Variants in STARD13 observed in about 807,000 individuals in gnomAD.
The protein encoded by STARD13 is stAR-related lipid transfer protein 13.
A neutral mutation model predicts 106.4 loss-of-function variants in STARD13; 62 were observed. The observed-to-expected ratio is 0.58, with a 90% CI of 0.48 to 0.72. STARD13 has a LOEUF of 0.72. STARD13 is among the 30% of genes least tolerant of loss of function. STARD13 has a pLI of 0.00. For missense variants in STARD13, 1,387 were observed against 1,424.0 expected (o/e 0.97, Z 0.42); for synonymous variants, 565 against 553.0 (o/e 1.02, Z -0.31).
chr13:33,170,949 T>C (rs544973603), intron 1 of STARD13, among the ~76,000 whole-genome samples: 1 of 152,286 alleles, frequency 6.6e-6, no homozygotes, highest in South Asian at 2.1e-4. Context: ...TCATGGCCCC[T>C]ACTAATACCA....
At chr13:33,153,708 C>T (rs1358334338) in intron 3 of STARD13, among the ~76,000 whole-genome samples, 2 of 152,210 alleles carry the variant, frequency 1.3e-5, no homozygotes, top group African/African-American at 2.4e-5. Context: ...GTCATGAAGT[C>T]TCTCGTGTTG....
In STARD13 at chr13:33,105,149, C is replaced by T. The variant is rs539619380; in HGVS notation, c.*444G>A. 6.3e-6 allele frequency: 1 copy of T among 157,640 alleles called. No homozygotes were observed. Among genetic ancestry groups the T allele is most frequent in the African/African-American group, 2.4e-5 (1 of 41,586 alleles). The allele number at this position is 157,640 out of a possible 1,614,324, so 9.8% of individuals were successfully genotyped here. ...GAAAGAACTGTGTGAGGAAGGGACT[C>T]ACTGAGTCAGACACCGTCATTTTCA... is the stretch of plus-strand genomic sequence containing the variant. On this transcript the variant is annotated 3_prime_UTR_variant, in exon 14 of 14. Coordinates refer to ENST00000336934, the MANE Select transcript of STARD13 (RefSeq NM_178006.4).
chr13:33,514,706 T>A, the STARD13 span, among the ~76,000 whole-genome samples: 1 of 152,044 alleles, frequency 6.6e-6, no homozygotes, highest in Non-Finnish European at 1.5e-5. Flanking sequence ...AGGGGCAGCA[T>A]CAGGATCTTT....
intron 1 of STARD13, among the ~76,000 whole-genome samples, chr13:33,246,754 T>C (rs1889841653): frequency 6.6e-6 from 1 of 152,062 alleles, no homozygotes; most frequent in Non-Finnish European, 1.5e-5. Flanking sequence ...TAAAACACTA[T>C]GCGGTGGGAT....
the STARD13 span, among the ~76,000 whole-genome samples, chr13:33,527,657 T>C: frequency 2.0e-5 from 3 of 151,934 alleles, no homozygotes; most frequent in Non-Finnish European, 4.4e-5. Flanking sequence ...CCTGTTCTGT[T>C]CAGAATAAAA....
At chr13:33,670,039 G>T in the STARD13 span, among the ~76,000 whole-genome samples, 1 of 152,244 alleles carries the variant, frequency 6.6e-6, no homozygotes, top group South Asian at 2.1e-4. Context: ...AGAACTTTTG[G>T]AGTGGGAAGT....
At chr13:33,143,644 C>T (rs903707323) in intron 3 of STARD13, among the ~76,000 whole-genome samples, 2 of 152,178 alleles carry the variant, frequency 1.3e-5, no homozygotes, top group African/African-American at 4.8e-5. Flanking sequence ...AACTCTGCCT[C>T]CCAGGCTCGA....
At chr13:33,117,787 G>A (rs1875607298) in intron 8 of STARD13, 2 of 970,246 alleles carry the variant, frequency 2.1e-6, no homozygotes, top group South Asian at 4.8e-5. Flanking sequence ...TTAAATTTTT[G>A]TAAATGTATT....
chr13:33,453,315 A>G, the STARD13 span, among the ~76,000 whole-genome samples: 1 of 152,350 alleles, frequency 6.6e-6, no homozygotes, highest in East Asian at 1.9e-4. Context: ...ATATACGCCA[A>G]TAGAGAATAA....
Position 33,109,980 on chromosome 13 carries a change from G to A in STARD13, c.2940C>T (p.Asp980=). Residue 980 remains aspartate (D), a synonymous_variant, in exon 12 of 14, where the codon GAC becomes GAT. Transcript: ENST00000336934. ...VLRERHLWDE[D]FVQWKVVETL... is the part of the protein sequence containing the mutation. Reference sequence around the variant, plus strand: ...TTTCCACAACCTTCCACTGCACAAAGTCCTCGTCCCACAGGTGGCGCTCTC... The same window carrying A: ...TTTCCACAACCTTCCACTGCACAAAATCCTCGTCCCACAGGTGGCGCTCTC... The A allele has an allele frequency of 1.2e-6, 2 of 1,614,216 alleles. No individual in the cohort carries two copies. The highest frequency in any genetic ancestry group is 2.2e-5 in the East Asian group (1 of 44,884).
At chr13:33,413,167 C>T in the STARD13 span, among the ~76,000 whole-genome samples, 3 of 152,250 alleles carry the variant, frequency 2.0e-5, no homozygotes, top group South Asian at 6.2e-4. Context: ...TCTAAATAAT[C>T]TATGGCTCAA....
intron 1 of STARD13, among the ~76,000 whole-genome samples, chr13:33,196,600 T>C (rs1490809534): frequency 6.6e-6 from 1 of 152,176 alleles, no homozygotes; most frequent in East Asian, 1.9e-4. Context: ...TACATCATGA[T>C]GTGCGGCAGC....
At chr13:33,444,114 T>C in the STARD13 span, among the ~76,000 whole-genome samples, 2 of 152,134 alleles carry the variant, frequency 1.3e-5, no homozygotes, top group Admixed American at 6.5e-5. Context: ...ATCACGTGTC[T>C]CTCGACCACC....
chr13:33,237,793 A>C (rs909124842), intron 1 of STARD13, among the ~76,000 whole-genome samples: 2 of 152,340 alleles, frequency 1.3e-5, no homozygotes, highest in East Asian at 1.9e-4. Flanking sequence ...CCTTTAAACT[A>C]TACCAATTGG....
chr13:33,354,274 C>T (rs561484133), upstream of STARD13, among the ~76,000 whole-genome samples: 2 of 152,326 alleles, frequency 1.3e-5, no homozygotes, highest in East Asian at 1.9e-4. Flanking sequence ...CTGCACTCTA[C>T]GTCTTTATAC....
chr13:33,493,209 A>G, the STARD13 span, among the ~76,000 whole-genome samples: 2 of 152,156 alleles, frequency 1.3e-5, no homozygotes. Context: ...CCATAAACCC[A>G]TTATCACAAC....
the STARD13 span, among the ~76,000 whole-genome samples, chr13:33,603,049 A>G: frequency 6.6e-6 from 1 of 152,172 alleles, no homozygotes; most frequent in Non-Finnish European, 1.5e-5. Flanking sequence ...TTCCTTCCTC[A>G]GGAAAGGATC....
chr13:33,143,635 AC>A (rs1442592186), intron 3 of STARD13, among the ~76,000 whole-genome samples: 1 of 151,838 alleles, frequency 6.6e-6, no homozygotes, highest in East Asian at 1.9e-4. Context: ...CTCACTGCAA[AC>A]TCTGCCTCCC....
At chr13:33,631,364 G>A in the STARD13 span, among the ~76,000 whole-genome samples, 19 of 152,258 alleles carry the variant, frequency 1.2e-4, no homozygotes, top group South Asian at 2.1e-4. Context: ...AAAATTGTCC[G>A]GAGTATTCAT....
Sources: allele counts gnomAD v4.1 joint callset (sites outside exome capture counted in the v4.1 genomes callset), GRCh38; gene constraint gnomAD v4.1.1; transcripts MANE v1.5; gene names NCBI Gene and HGNC (gene_info 2026-07-23, HGNC 2026-07-21).